Variants in ADAMTS6 observed in about 807,000 individuals in gnomAD.
ADAMTS6 encodes A disintegrin and metalloproteinase with thrombospondin motifs 6.
ADAMTS6 carries 23 observed loss-of-function variants against 144.3 expected under a neutral mutation model. The ratio of observed to expected loss-of-function variants is 0.16; its 90% CI spans 0.11 to 0.23. The LOEUF is 0.23. ADAMTS6 is among the 10% of genes least tolerant of loss of function. The pLI, the probability that ADAMTS6 is intolerant of heterozygous loss-of-function variation, is 1.00. For missense variants in ADAMTS6, 999 were observed against 1,379.6 expected, an observed-to-expected ratio of 0.72 and a Z score of 4.37; for synonymous variants, 444 against 457.5, an observed-to-expected ratio of 0.97 and a Z score of 0.38.
chr5:65,305,777 C>T lies in ADAMTS6; in HGVS notation c.1224-5646G>A, dbSNP rs139026853. 3.3e-3 allele frequency among the ~76,000 whole-genome samples: 504 copies of T among 152,156 alleles called. 1 individual carries two copies. Among genetic ancestry groups the T allele is most frequent in the African/African-American group, 0.012 (487 of 41,500 alleles). On this transcript the variant is annotated intron_variant, in intron 9 of 24. Coordinates refer to ENST00000381055, the MANE Select transcript of ADAMTS6 (RefSeq NM_197941.4). ...TCAGAGGGACACACACACACATATG[C>T]ACACATGGAGACAGACACACACATA...
At chr5:65,338,209 G>A (rs543758998) in intron 7 of ADAMTS6, among the ~76,000 whole-genome samples, 3 of 152,246 alleles carry the variant, frequency 2.0e-5, no homozygotes, top group South Asian at 2.1e-4. Context: ...GTGTAATAAC[G>A]GCTTCAGATG....
At chr5:65,241,651 T>C (rs1419176432) in intron 15 of ADAMTS6, among the ~76,000 whole-genome samples, 1 of 152,188 alleles carries the variant, frequency 6.6e-6, no homozygotes, top group African/African-American at 2.4e-5. Context: ...TTTCTAACTC[T>C]GAAAAAGAAT....
chr5:65,447,916 G>T (rs1027956593), intron 7 of ADAMTS6, among the ~76,000 whole-genome samples: 1 of 150,464 alleles, frequency 6.6e-6, no homozygotes, highest in Non-Finnish European at 1.5e-5. Flanking sequence ...ACTAACTTTG[G>T]TATTCAGAGC....
At chr5:65,428,225 CA>C (rs759344039) in intron 7 of ADAMTS6, among the ~76,000 whole-genome samples, 1,538 of 58,386 alleles carry the variant, frequency 0.026, 16 homozygotes, top group African/African-American at 0.059. Flanking sequence ...GACTCCATCT[CA>C]AAAAAAAAAA....
intron 7 of ADAMTS6, among the ~76,000 whole-genome samples, chr5:65,379,396 C>T (rs946625626): frequency 1.3e-5 from 2 of 152,154 alleles, no homozygotes; most frequent in Admixed American, 6.5e-5. Context: ...TATGTAAACA[C>T]ATACTGCCAG....
intron 7 of ADAMTS6, among the ~76,000 whole-genome samples, chr5:65,378,567 GC>G (rs1472498681): frequency 6.6e-6 from 1 of 151,980 alleles, no homozygotes; most frequent in South Asian, 2.1e-4. Context: ...TTTCATTTTT[GC>G]CCCCCTGCCT....
At chr5:65,470,688 ATATAT>A in intron 3 of ADAMTS6, 85 bp downstream of exon 3, 1 of 1,044,036 alleles carries the variant, frequency 9.6e-7, no homozygotes, top group Non-Finnish European at 1.3e-6. Context: ...CTATATATAT[ATATAT>A]TTTTTTTTTA....
chr5:65,221,957 C>T (rs1561295039), intron 18 of ADAMTS6, among the ~76,000 whole-genome samples: 2 of 151,982 alleles, frequency 1.3e-5, no homozygotes, highest in Non-Finnish European at 2.9e-5. Context: ...GAAAATGAAA[C>T]ATTGGTGAAA....
At chr5:65,158,641 T>G (rs949725881) in intron 24 of ADAMTS6, among the ~76,000 whole-genome samples, 1 of 152,220 alleles carries the variant, frequency 6.6e-6, no homozygotes, top group East Asian at 1.9e-4. Context: ...CTGAGTAGTA[T>G]TGCAAATGTA....
intron 13 of ADAMTS6, among the ~76,000 whole-genome samples, chr5:65,260,938 T>C (rs1197375975): frequency 6.6e-6 from 1 of 152,066 alleles, no homozygotes; most frequent in Non-Finnish European, 1.5e-5. Context: ...TGTCATGATT[T>C]ACATTCTCAA....
intron 7 of ADAMTS6, among the ~76,000 whole-genome samples, chr5:65,402,717 T>A (rs1451483094): frequency 6.6e-6 from 1 of 151,862 alleles, no homozygotes; most frequent in Non-Finnish European, 1.5e-5. Flanking sequence ...TGGCGCTGGA[T>A]CCCTTCCCTT....
intron 7 of ADAMTS6, chr5:65,415,627 A>AT (rs1043100590): frequency 3.5e-5 from 11 of 310,642 alleles, no homozygotes; most frequent in South Asian, 1.2e-4. Context: ...GAGATCACTG[A>AT]TTTTTTTCGG....
chr5:65,265,286 T>C (rs1189964462), intron 12 of ADAMTS6, among the ~76,000 whole-genome samples: 1 of 152,086 alleles, frequency 6.6e-6, no homozygotes, highest in Non-Finnish European at 1.5e-5. Context: ...AAACCAATAA[T>C]ATAGTATCAA....
chr5:65,376,942 C>T (rs1751619452), intron 7 of ADAMTS6, among the ~76,000 whole-genome samples: 1 of 152,122 alleles, frequency 6.6e-6, no homozygotes, highest in Admixed American at 6.6e-5. Flanking sequence ...ACCTAATTGA[C>T]CAATCTCTAA....
intron 22 of ADAMTS6, among the ~76,000 whole-genome samples, chr5:65,184,648 G>A (rs1259686364): frequency 6.6e-6 from 1 of 152,194 alleles, no homozygotes; most frequent in African/African-American, 2.4e-5. Context: ...ATGCTTTCAA[G>A]AGCTACTTGC....
intron 7 of ADAMTS6, among the ~76,000 whole-genome samples, chr5:65,444,090 T>C (rs1758081468): frequency 6.6e-6 from 1 of 152,176 alleles, no homozygotes; most frequent in African/African-American, 2.4e-5. Flanking sequence ...ATGGAATCTA[T>C]TAAAAAGCTA....
At chr5:65,347,613 C>G (rs1476941593) in intron 7 of ADAMTS6, among the ~76,000 whole-genome samples, 1 of 151,912 alleles carries the variant, frequency 6.6e-6, no homozygotes, top group African/African-American at 2.4e-5. Context: ...CTGGATATGA[C>G]TTCAAAAGCA....
intron 11 of ADAMTS6, among the ~76,000 whole-genome samples, chr5:65,286,234 A>G (rs1025167404): frequency 2.6e-5 from 4 of 152,234 alleles, no homozygotes; most frequent in African/African-American, 9.6e-5. Context: ...CGCTGAAAAA[A>G]GTGCCCAAAA....
At position 65,329,469 on chromosome 5, in the gene ADAMTS6, C is replaced by T; in HGVS notation, c.1132G>A (p.Ala378Thr). 1.9e-6 allele frequency: 3 copies of T among 1,611,920 alleles called. No individual in the cohort carries two copies. Among genetic ancestry groups the T allele is most frequent in the Non-Finnish European group, 2.5e-6 (3 of 1,178,886 alleles). Reference sequence around the variant, plus strand: ...CTCCTTTCAGGCTCACACATTCCAGCCACAGAGGCCAAGCCTGAATAAACA... The same window carrying T: ...CTCCTTTCAGGCTCACACATTCCAGTCACAGAGGCCAAGCCTGAATAAACA... ...PCGTLGLASV[A>T]GMCEPERSCS... The change falls in exon 9 of 25, where the codon GCT becomes ACT. Residue 378 changes from alanine to threonine, a missense_variant. Ala to Thr is a moderately conservative substitution (Grantham distance 58). Coordinates refer to ENST00000381055, the MANE Select transcript of ADAMTS6 (RefSeq NM_197941.4).
Sources: gnomAD v4.1 joint callset for allele counts (sites outside exome capture counted in the v4.1 genomes callset) on GRCh38, gnomAD v4.1.1 for gene constraint, MANE v1.5 for transcripts, NCBI Gene and HGNC (gene_info 2026-07-23, HGNC 2026-07-21) for gene names.